Variants in STPG2 observed in about 807,000 individuals in gnomAD.
STPG2 encodes the protein sperm-tail PG-rich repeat-containing protein 2.
Under a neutral mutation model 54.2 loss-of-function variants are expected in STPG2, and 56 were observed. The ratio of observed to expected loss-of-function variants is 1.03; its 90% confidence interval spans 0.83 to 1.29. STPG2 has a LOEUF of 1.29. STPG2 is among the 50% of genes most tolerant of loss of function. STPG2 has a pLI of 0.00. For synonymous variants in STPG2, 200 were observed against 181.8 expected (o/e 1.10, Z -0.81); for missense variants, 596 against 544.9 (o/e 1.09, Z -0.93).
At chr4:97,829,285 C>T (rs568470357) in intron 9 of STPG2, among the ~76,000 whole-genome samples, 1 of 152,216 alleles carries the variant, frequency 6.6e-6, no homozygotes, top group South Asian at 2.1e-4. Context: ...GCAGAGTGGC[C>T]TGTTACAAAG....
chr4:97,500,195 G>C (rs1730694192), intron 4 of STPG2, among the ~76,000 whole-genome samples: 1 of 152,032 alleles, frequency 6.6e-6, no homozygotes, highest in Non-Finnish European at 1.5e-5. Context: ...GGATGTATTT[G>C]GAAAGTAGAG....
intron 8 of STPG2, among the ~76,000 whole-genome samples, chr4:97,865,133 A>G (rs1346110895): frequency 6.6e-6 from 1 of 152,188 alleles, no homozygotes; most frequent in Non-Finnish European, 1.5e-5. Context: ...AGCAAAAGAA[A>G]CTATCATCAG....
intron 8 of STPG2, among the ~76,000 whole-genome samples, chr4:97,936,878 G>A (rs922698942): frequency 2.0e-5 from 3 of 152,130 alleles, no homozygotes; most frequent in African/African-American, 7.2e-5. Flanking sequence ...TACTCATGGA[G>A]TATGTTATTG....
intron 9 of STPG2, among the ~76,000 whole-genome samples, chr4:97,779,980 C>A (rs1726548891): frequency 6.6e-6 from 1 of 151,140 alleles, no homozygotes; most frequent in South Asian, 2.1e-4. Flanking sequence ...CAAAAACATG[C>A]CGAACTGTAA....
rs566866889 is a variant in STPG2, at chr4:97,731,529, G to A, written c.1205-18715C>T. ...TAGAGATGAAGCCTAGGAAGCTCAT[G>A]CTTCCCCAACCAGGTCTCCTTCCGG... is the stretch of plus-strand genomic sequence containing the variant. On this transcript the variant is annotated intron_variant, in intron 9 of 10. Coordinates refer to ENST00000295268, the MANE Select transcript of STPG2 (RefSeq NM_174952.3). Among the ~76,000 whole-genome samples the A allele has an allele frequency of 7.0e-4, 107 of 152,298 alleles. 2 individuals carry two copies. The highest frequency in any genetic ancestry group is 2.0e-3 in the Admixed American group (31 of 15,302).
At chr4:97,703,765 A>T (rs2148999890) in intron 10 of STPG2, among the ~76,000 whole-genome samples, 1 of 145,666 alleles carries the variant, frequency 6.9e-6, no homozygotes, top group East Asian at 2.0e-4. Context: ...GTATATTAGC[A>T]TAGTATATTT....
chr4:97,966,813 C>T (rs1304534757), intron 7 of STPG2, among the ~76,000 whole-genome samples: 1 of 152,102 alleles, frequency 6.6e-6, no homozygotes. Context: ...AACAGAAACG[C>T]AAAGGCTGAG....
At chr4:97,626,658 T>G (rs998475687) in intron 10 of STPG2, among the ~76,000 whole-genome samples, 1 of 152,116 alleles carries the variant, frequency 6.6e-6, no homozygotes, top group Non-Finnish European at 1.5e-5. Flanking sequence ...TATATTGGAT[T>G]TTTCCTCCTC....
At chr4:98,002,987 A>T in intron 5 of STPG2, among the ~76,000 whole-genome samples, 1 of 152,120 alleles carries the variant, frequency 6.6e-6, no homozygotes, top group East Asian at 1.9e-4. Context: ...AGGCAGCTAT[A>T]TGCAACTCAA....
chr4:98,033,110 T>A (rs981564696), intron 5 of STPG2, among the ~76,000 whole-genome samples: 2 of 130,722 alleles, frequency 1.5e-5, no homozygotes, highest in Non-Finnish European at 3.4e-5. Flanking sequence ...CTGAAGAAGA[T>A]AGAAACACAC....
At chr4:97,556,921 T>G (rs1291857770), downstream of STPG2, among the ~76,000 whole-genome samples, 1 of 152,166 alleles carries the variant, frequency 6.6e-6, no homozygotes, top group Non-Finnish European at 1.5e-5. Context: ...TGGTGGCTCA[T>G]GCCTGTAATC....
intron 5 of STPG2, among the ~76,000 whole-genome samples, chr4:98,020,696 T>G (rs1292020170): frequency 6.6e-6 from 1 of 152,166 alleles, no homozygotes; most frequent in Non-Finnish European, 1.5e-5. Context: ...CAATTTCAGA[T>G]CCTGTTATTG....
intron 5 of STPG2, among the ~76,000 whole-genome samples, chr4:98,023,954 AG>A (rs1316455317): frequency 5.9e-5 from 9 of 152,146 alleles, no homozygotes; most frequent in Admixed American, 5.9e-4. Flanking sequence ...TGACTAGCAA[AG>A]GGAACTCCCT....
At chr4:97,521,372 G>T (rs1417167293) in intron 4 of STPG2, among the ~76,000 whole-genome samples, 1 of 151,974 alleles carries the variant, frequency 6.6e-6, no homozygotes, top group African/African-American at 2.4e-5. Context: ...ATATTCTGTT[G>T]AGTCAGTTAT....
intron 7 of STPG2, among the ~76,000 whole-genome samples, chr4:97,959,176 C>T (rs1413334152): frequency 6.6e-6 from 1 of 151,940 alleles, no homozygotes; most frequent in Non-Finnish European, 1.5e-5. Context: ...TCAAACAGAA[C>T]AATAGTAACA....
At chr4:97,958,738 C>T (rs931088417) in intron 7 of STPG2, among the ~76,000 whole-genome samples, 17 of 152,190 alleles carry the variant, frequency 1.1e-4, no homozygotes, top group African/African-American at 3.6e-4. Context: ...TACTACTAGA[C>T]GTAAGAAATG....
chr4:97,669,359 A>G (rs542723658), intron 10 of STPG2, among the ~76,000 whole-genome samples: 96 of 152,236 alleles, frequency 6.3e-4, no homozygotes, highest in Non-Finnish European at 1.5e-4. Flanking sequence ...CTTCTATTGA[A>G]GACACAATCT....
chr4:97,536,160 C>T (rs1038980299), intron 4 of STPG2, among the ~76,000 whole-genome samples: 1 of 152,142 alleles, frequency 6.6e-6, no homozygotes, highest in Non-Finnish European at 1.5e-5. Context: ...ATTTTTATTG[C>T]TTCATCTTCA....
At chr4:97,619,558 A>AG (rs1456966316) in intron 10 of STPG2, among the ~76,000 whole-genome samples, 3 of 142,898 alleles carry the variant, frequency 2.1e-5, no homozygotes, top group African/African-American at 7.9e-5. Context: ...GGGCACCTCT[A>AG]GGGCCTTCCC....
Sources: allele counts gnomAD v4.1 joint callset (sites outside exome capture counted in the v4.1 genomes callset), GRCh38; gene constraint gnomAD v4.1.1; transcripts MANE v1.5; gene names NCBI Gene and HGNC (gene_info 2026-07-23, HGNC 2026-07-21).